Variants in SH3KBP1 observed in about 807,000 individuals in gnomAD.
SH3KBP1 encodes SH3 domain-containing kinase-binding protein 1.
In SH3KBP1, 8 loss-of-function variants were observed where a neutral mutation model predicts 50.1. The observed-to-expected ratio is 0.16, with a 90% CI of 0.09 to 0.29. SH3KBP1 has a LOEUF of 0.29. Ranked by LOEUF, SH3KBP1 falls within the 10% of genes least tolerant of loss-of-function variation. SH3KBP1 has a pLI of 1.00. For missense variants in SH3KBP1, 377 were observed against 535.2 expected, an observed-to-expected ratio of 0.70 and a Z score of 2.92; for synonymous variants, 227 against 218.6, an observed-to-expected ratio of 1.04 and a Z score of -0.34.
chrX:19,581,491 A>G (rs2066371679), intron 12 of SH3KBP1, among the ~76,000 whole-genome samples: 1 of 111,695 alleles, frequency 9.0e-6, no homozygotes, highest in Admixed American at 9.5e-5. Flanking sequence ...CTCTTTTTTG[A>G]TTAATGGATT....
intron 2 of SH3KBP1, among the ~76,000 whole-genome samples, chrX:19,808,835 T>C (rs2067126038): frequency 8.9e-6 from 1 of 111,972 alleles, no homozygotes; most frequent in Non-Finnish European, 1.9e-5. Context: ...TTCCAATCTG[T>C]CCAGATTTTT....
chrX:19,551,487 C>T (rs1602433930), intron 13 of SH3KBP1, among the ~76,000 whole-genome samples: 1 of 109,801 alleles, frequency 9.1e-6, no homozygotes, highest in Non-Finnish European at 1.9e-5. Flanking sequence ...CTCTCAGGGG[C>T]CTTCCCTTTA....
chrX:19,764,814 C>CT (rs762356814), intron 2 of SH3KBP1, among the ~76,000 whole-genome samples: 106 of 95,252 alleles, frequency 1.1e-3, no homozygotes, highest in South Asian at 7.6e-3. Flanking sequence ...CGCTCCAACT[C>CT]TTTTTTTTTT....
rs748909403 is a variant in SH3KBP1 at position 19,793,158 on chromosome X, A to G, written c.162+42967T>C. On this transcript the variant is annotated intron_variant, in intron 2 of 17. Transcript: ENST00000397821. ...AAAAAAATTTTAAAATTAGTCAGGC[A>G]TGGTGGTTGCACACCTGTAATCCCA... Among the ~76,000 whole-genome samples, 6 of 109,151 alleles carry G rather than the reference A, an allele frequency of 5.5e-5. No individual in the cohort carries two copies. In the South Asian group the frequency reaches 2.4e-3, roughly 44 times the overall value. The allele number at this position is 109,151 out of a possible 115,157, so 94.8% of individuals were successfully genotyped here.
At chrX:19,884,029 C>T (rs1252967897) in intron 1 of SH3KBP1, among the ~76,000 whole-genome samples, 1 of 111,722 alleles carries the variant, frequency 9.0e-6, no homozygotes, top group African/African-American at 3.3e-5. Flanking sequence ...CCACGGTGCT[C>T]GTTTTCAGTC....
rs752043368 is a variant in SH3KBP1 at position 19,782,118 on chromosome X, A to G, written c.163-35677T>C. Among the ~76,000 whole-genome samples the G allele has an allele frequency of 3.6e-5, 4 of 111,728 alleles. No homozygotes were observed. In the East Asian group the frequency reaches 1.1e-3, roughly 31 times the overall value. On this transcript the variant is annotated intron_variant, in intron 2 of 17. Coordinates refer to ENST00000397821, the MANE Select transcript of SH3KBP1 (RefSeq NM_031892.3). ...TTAAGGATCCTGAGATGAAGAGATC[A>G]TTCTGGATTATCCTGGGGGTCCCTA...
chrX:19,844,337 C>T (rs1169927320), intron 1 of SH3KBP1, among the ~76,000 whole-genome samples: 1 of 111,666 alleles, frequency 9.0e-6, no homozygotes. Flanking sequence ...CATACGACAC[C>T]AGGAGTGTCC....
chrX:19,661,431 G>A (rs2062449064), intron 6 of SH3KBP1, among the ~76,000 whole-genome samples: 1 of 111,256 alleles, frequency 9.0e-6, no homozygotes, highest in Non-Finnish European at 1.9e-5. Context: ...AAAAAATTAT[G>A]TGTGTGGTAT....
rs1464097632 is a variant in SH3KBP1 at position 19,535,243 on chromosome X, GA to G, written c.*1173del. On this transcript the variant is annotated 3_prime_UTR_variant, in exon 18 of 18. Coordinates refer to ENST00000397821, the MANE Select transcript of SH3KBP1 (RefSeq NM_031892.3). Reference sequence around the variant, plus strand: ...AGAAAAAGCAACTCCATAAATGCAAGAAAGTTCCAGTGGCTACACTTCAACA... The same window carrying G: ...AGAAAAAGCAACTCCATAAATGCAAGAAGTTCCAGTGGCTACACTTCAACA... 3.8e-6 allele frequency: 1 copy of G among 260,493 alleles called. No individual in the cohort carries two copies. The highest frequency in any genetic ancestry group is 6.8e-6 in the Non-Finnish European group (1 of 147,473). 21.5% of individuals were successfully genotyped at this position (260,493 alleles called of 1,213,427 possible).
intron 3 of SH3KBP1, among the ~76,000 whole-genome samples, chrX:19,738,242 C>T (rs1268555577): frequency 2.7e-5 from 3 of 111,193 alleles, no homozygotes; most frequent in Middle Eastern, 4.6e-3. Context: ...TGAAATTTGA[C>T]GAGAGAGGCA....
At chrX:19,537,678 G>A (rs1326051021) in intron 17 of SH3KBP1, 39 bp downstream of exon 17, 1 of 1,151,679 alleles carries the variant, frequency 8.7e-7, no homozygotes, top group East Asian at 3.0e-5. Context: ...GCCCCACTGA[G>A]CCTAGGACTC....
At chrX:19,712,092 T>C (rs1398084512) in intron 3 of SH3KBP1, among the ~76,000 whole-genome samples, 1 of 112,423 alleles carries the variant, frequency 8.9e-6, no homozygotes, top group Non-Finnish European at 1.9e-5. Flanking sequence ...TCTTATTCTT[T>C]GCTGCATATT....
intron 1 of SH3KBP1, among the ~76,000 whole-genome samples, chrX:19,854,687 T>C (rs1194539715): frequency 9.0e-6 from 1 of 111,330 alleles, no homozygotes; most frequent in Non-Finnish European, 1.9e-5. Context: ...CATTTATACC[T>C]GGCTCTAAGT....
chrX:19,873,309 TATAC>T (rs1569493082), intron 1 of SH3KBP1, among the ~76,000 whole-genome samples: 78 of 97,055 alleles, frequency 8.0e-4, no homozygotes, highest in African/African-American at 3.0e-3. Context: ...TATATATATA[TATAC>T]ATATACATAT....
intron 6 of SH3KBP1, among the ~76,000 whole-genome samples, chrX:19,663,609 C>T (rs1009520270): frequency 8.9e-6 from 1 of 111,770 alleles, no homozygotes; most frequent in African/African-American, 3.3e-5. Context: ...TTCCCTACTC[C>T]TGAGATATTA....
Position 19,592,871 on chromosome X carries a change from G to A in SH3KBP1, c.1058-724C>T, listed in dbSNP as rs2066791602. On this transcript the variant is annotated intron_variant, in intron 10 of 17. Transcript: ENST00000397821. ...TTGCCAAGGGGAGCCAGACACGTGA[G>A]GGAAACATTCATCTTCAAAGTGGAT... Among the ~76,000 whole-genome samples the A allele has an allele frequency of 5.3e-5, 6 of 112,270 alleles. No individual in the cohort carries two copies. In the South Asian group the frequency reaches 2.2e-3, roughly 42 times the overall value.
intron 1 of SH3KBP1, among the ~76,000 whole-genome samples, chrX:19,840,391 T>G (rs1464216736): frequency 2.7e-5 from 3 of 112,868 alleles, no homozygotes; most frequent in Non-Finnish European, 5.6e-5. Context: ...CAATTGCATG[T>G]TGAAGTGATG....
At chrX:19,712,765 G>A (rs1290701866) in intron 3 of SH3KBP1, among the ~76,000 whole-genome samples, 7 of 111,445 alleles carry the variant, frequency 6.3e-5, no homozygotes, top group African/African-American at 2.3e-4. Context: ...AGGACAAATT[G>A]ACATCACGTG....
intron 6 of SH3KBP1, among the ~76,000 whole-genome samples, chrX:19,655,714 T>C: frequency 9.0e-6 from 1 of 110,991 alleles, no homozygotes; most frequent in Non-Finnish European, 1.9e-5. Flanking sequence ...ATCTATTGGG[T>C]ACTATGTTCA....
Sources: gnomAD v4.1 joint callset for allele counts (sites outside exome capture counted in the v4.1 genomes callset) on GRCh38, gnomAD v4.1.1 for gene constraint, MANE v1.5 for transcripts, NCBI Gene and HGNC (gene_info 2026-07-23, HGNC 2026-07-21) for gene names.